The following OSGEP variants were observed in gnomAD, a reference collection of about 807,000 sequenced individuals.
OSGEP encodes the protein O-sialoglycoprotein endopeptidase, also known as tRNA N6-adenosine threonylcarbamoyltransferase.
A neutral mutation model predicts 44.1 loss-of-function variants in OSGEP; 39 were observed. The observed-to-expected ratio is 0.88, with a 90% CI of 0.69 to 1.16. The LOEUF (loss-of-function observed/expected upper bound fraction) is 1.16. Ranked by LOEUF, OSGEP falls within the 50% of genes most tolerant of loss-of-function variation. OSGEP has a pLI of 0.00. For missense variants in OSGEP, 403 were observed against 443.1 expected, an observed-to-expected ratio of 0.91 and a Z score of 0.81; for synonymous variants, 139 against 161.9, an observed-to-expected ratio of 0.86 and a Z score of 1.07.
At position 20,447,412 on chromosome 14, in the gene OSGEP, A is replaced by C. The variant is rs752835452; in HGVS notation, c.968+10T>G. The C allele has an allele frequency of 3.7e-6, 6 of 1,611,748 alleles. No homozygotes were observed. In the African/African-American group the frequency reaches 8.0e-5, roughly 22 times the overall value. On this transcript the variant is annotated intron_variant, in intron 10 of 10. Transcript: ENST00000206542. ...AATAATCTACCCTCACCAAGAGGTG[A>C]ATCACTCACCTCTGTGTAACCCCAG...
At chr14:20,448,283 C>T (rs1881012295) in intron 6 of OSGEP, 112 bp from the exon 7 acceptor site, 6 of 841,830 alleles carry the variant, frequency 7.1e-6, no homozygotes, top group Admixed American at 5.1e-5. Context: ...ATTCAAGTTA[C>T]CAGCACATCC....
chr14:20,452,565 A>C (rs1207935919), intron 1 of OSGEP, 117 bp from the exon 2 acceptor site: 1 of 914,596 alleles, frequency 1.1e-6, no homozygotes, highest in Non-Finnish European at 1.7e-6. Context: ...CACTTTCCCC[A>C]AGCATCCTAT....
At chr14:20,448,306 C>A in intron 6 of OSGEP, 135 bp from the exon 7 acceptor site, 1 of 760,160 alleles carries the variant, frequency 1.3e-6, no homozygotes, top group Non-Finnish European at 2.4e-6. Flanking sequence ...TACCACATTC[C>A]CTTCACTGGC....
Position 20,447,178 on chromosome 14 carries a change from T to G in OSGEP, c.*62A>C. 7.0e-7 allele frequency: 1 copy of G among 1,423,194 alleles called. No individual in the cohort carries two copies. The allele number at this position is 1,423,194 out of a possible 1,614,324, so 88.2% of individuals were successfully genotyped here. On this transcript the variant is annotated 3_prime_UTR_variant, in exon 11 of 11. Transcript: ENST00000206542. Reference sequence around the variant, plus strand: ...ACTCCCATGACATCAGGATAGAGATTGAGGCACGGGGTCCTTTGGGTTCCG... The same window carrying G: ...ACTCCCATGACATCAGGATAGAGATGGAGGCACGGGGTCCTTTGGGTTCCG...
chr14:20,450,034 A>G (rs1881054607), intron 3 of OSGEP: 1 of 126,204 alleles, frequency 7.9e-6, no homozygotes, highest in African/African-American at 3.0e-5. Flanking sequence ...ACTTAAGGCC[A>G]TTTTTCTTTT....
rs1881214108 is a variant in OSGEP at position 20,454,568 on chromosome 14, C to T, written c.115+1G>A. 1 of 1,608,466 alleles carries T rather than the reference C, an allele frequency of 6.2e-7. No homozygotes were observed. Among genetic ancestry groups the T allele is most frequent in the Non-Finnish European group, 8.5e-7 (1 of 1,174,790 alleles). On this transcript the variant is annotated splice_donor_variant, in intron 1 of 10. Transcript: ENST00000206542. LOFTEE classifies it high-confidence loss of function. ...AACTCTTAAGTCCCCTACTCACCAACCTGTGCCAGGAGGCGTGACGTAAGT... is the reference window on the plus strand; with the variant it reads ...AACTCTTAAGTCCCCTACTCACCAATCTGTGCCAGGAGGCGTGACGTAAGT...
chr14:20,448,135 T>C lies in OSGEP; in HGVS notation c.673A>G (p.Thr225Ala). The C allele has an allele frequency of 1.2e-6, 2 of 1,613,556 alleles. No individual in the cohort carries two copies. Residue 225 changes from threonine to alanine, a missense_variant, in exon 7 of 11, where the codon ACT (threonine) becomes GCT (alanine). Coordinates refer to ENST00000206542, the MANE Select transcript of OSGEP (RefSeq NM_017807.4). ...AGGGAGAAACACAGATCCTCAGGAG[T>C]ACACTCGCCTGTGGCCAGCATCCGA... ...AHRMLATGEC[T>A]PEDLCFSLQE...
Position 20,448,179 on chromosome 14 carries a change from T to C in OSGEP, c.637-8A>G. Reference sequence around the variant, plus strand: ...CATCCGATGGGCTACATCCTACAATTAAAGGGAAAAACAAAAGAATCAACA... The same window carrying C: ...CATCCGATGGGCTACATCCTACAATCAAAGGGAAAAACAAAAGAATCAACA... On this transcript the variant is annotated splice_region_variant and splice_polypyrimidine_tract_variant and intron_variant, in intron 6 of 10. Transcript: ENST00000206542. 6.2e-7 allele frequency: 1 copy of C among 1,610,110 alleles called. No individual in the cohort carries two copies. Among genetic ancestry groups the C allele is most frequent in the Non-Finnish European group, 8.5e-7 (1 of 1,176,424 alleles).
intron 1 of OSGEP, among the ~76,000 whole-genome samples, chr14:20,452,708 C>CTTTTTTTT (rs59935464): frequency 2.2e-5 from 3 of 135,314 alleles, no homozygotes; most frequent in Non-Finnish European, 1.6e-5. Context: ...CTTTCGTGAT[C>CTTTTTTTT]TTTTTTTTTT....
chr14:20,451,797 C>A, intron 3 of OSGEP, 177 bp downstream of exon 3: 1 of 496,792 alleles, frequency 2.0e-6, no homozygotes, highest in Non-Finnish European at 3.5e-6. Context: ...ATGTTCTGAT[C>A]ATGCTGCCAA....
At position 20,452,155 on chromosome 14, in the gene OSGEP, G is replaced by A; in HGVS notation, c.236-6C>T. The A allele has an allele frequency of 6.2e-7, 1 of 1,603,340 alleles. No homozygotes were observed. The highest frequency in any genetic ancestry group is 8.5e-7 in the Non-Finnish European group (1 of 1,174,494). ...TGGGGCACCCATGCCAGGGCCTAGG[G>A]AGATAGAAATGGAAGTTATAATCCT... On this transcript the variant is annotated splice_region_variant and splice_polypyrimidine_tract_variant and intron_variant, in intron 2 of 10. Transcript: ENST00000206542.
intron 3 of OSGEP, chr14:20,451,419 G>T: frequency 5.3e-6 from 1 of 190,014 alleles, no homozygotes; most frequent in Non-Finnish European, 1.1e-5. Flanking sequence ...TGATTCTCCT[G>T]CCCAGCCTCC....
At chr14:20,450,531 T>TA (rs1555331650) in intron 3 of OSGEP, 1 of 151,728 alleles carries the variant, frequency 6.6e-6, no homozygotes, top group Non-Finnish European at 1.5e-5. Flanking sequence ...ACTGCTCCTT[T>TA]CATCAACTCT....
In OSGEP at chr14:20,447,608, T is replaced by C; in HGVS notation, c.869+7A>G. On this transcript the variant is annotated splice_region_variant and intron_variant, in intron 9 of 10. Coordinates refer to ENST00000206542, the MANE Select transcript of OSGEP (RefSeq NM_017807.4). ...TAAAAAAGAAACCAAAGGGAAAGTG[T>C]CTTTACCTCTCATCTGTAGCAAAAA... 3 of 1,612,674 alleles carry C rather than the reference T, an allele frequency of 1.9e-6. No homozygotes were observed. Among genetic ancestry groups the C allele is most frequent in the Non-Finnish European group, 2.5e-6 (3 of 1,178,708 alleles).
In OSGEP at chr14:20,447,161, G is replaced by A; in HGVS notation, c.*79C>T. 3.3e-6 allele frequency: 4 copies of A among 1,218,858 alleles called. No individual in the cohort carries two copies. The highest frequency in any genetic ancestry group is 3.7e-6 in the Non-Finnish European group (3 of 821,698). 75.5% of individuals were successfully genotyped at this position (1,218,858 alleles called of 1,614,324 possible). On this transcript the variant is annotated 3_prime_UTR_variant, in exon 11 of 11. Coordinates refer to ENST00000206542, the MANE Select transcript of OSGEP (RefSeq NM_017807.4). ...TCTATAGCTTTGCTAGGACTCCCATGACATCAGGATAGAGATTGAGGCACG... is the reference window on the plus strand; with the variant it reads ...TCTATAGCTTTGCTAGGACTCCCATAACATCAGGATAGAGATTGAGGCACG...
At chr14:20,453,134 C>G (rs535867916) in intron 1 of OSGEP, among the ~76,000 whole-genome samples, 1 of 152,292 alleles carries the variant, frequency 6.6e-6, no homozygotes, top group Non-Finnish European at 1.5e-5. Flanking sequence ...TATCTCAAAG[C>G]ATTGAGTATT....
intron 8 of OSGEP, 24 bp from the exon 9 acceptor site, chr14:20,447,714 T>G: frequency 1.9e-6 from 3 of 1,586,054 alleles, no homozygotes; most frequent in Non-Finnish European, 2.6e-6. Context: ...GGGAACAGGA[T>G]TAGCTTAGTT....
chr14:20,453,595 C>T lies in OSGEP; in HGVS notation c.115+974G>A, dbSNP rs192090680. On this transcript the variant is annotated intron_variant, in intron 1 of 10. Transcript: ENST00000206542. ...TGTTGGTCAGGCTGGTCTCGAACCC[C>T]GACCTCAGGTGATCTGCCTGCCTTG... 2.8e-3 allele frequency among the ~76,000 whole-genome samples: 422 copies of T among 152,160 alleles called. 2 individuals carry two copies. Among genetic ancestry groups the T allele is most frequent in the African/African-American group, 9.8e-3 (408 of 41,510 alleles).
Position 20,454,741 on chromosome 14 carries a change from G to C in OSGEP, c.-58C>G. The C allele has an allele frequency of 3.3e-6, 4 of 1,224,624 alleles. No homozygotes were observed. Among genetic ancestry groups the C allele is most frequent in the Non-Finnish European group, 4.8e-6 (4 of 838,130 alleles). The allele number at this position is 1,224,624 out of a possible 1,614,324, so 75.9% of individuals were successfully genotyped here. On this transcript the variant is annotated 5_prime_UTR_variant, in exon 1 of 11. Coordinates refer to ENST00000206542, the MANE Select transcript of OSGEP (RefSeq NM_017807.4). ...CCTGGCAATGTCAGGAGCTGTGGAGGTCCTCACTAGTCCGCGCTGGGCCGC... is the reference window on the plus strand; with the variant it reads ...CCTGGCAATGTCAGGAGCTGTGGAGCTCCTCACTAGTCCGCGCTGGGCCGC...
Sources: allele counts gnomAD v4.1 joint callset (sites outside exome capture counted in the v4.1 genomes callset), GRCh38; gene constraint gnomAD v4.1.1; transcripts MANE v1.5; gene names NCBI Gene and HGNC (gene_info 2026-07-23, HGNC 2026-07-21).